GYG2: variants seen among roughly 807,000 people sequenced by gnomAD.
GYG2 encodes the protein glycogenin 2, also known as glycogenin-2.
A neutral mutation model predicts 29.4 loss-of-function variants in GYG2; 29 were observed. The ratio of observed to expected loss-of-function variants is 0.99; its 90% CI spans 0.74 to 1.35. The LOEUF (loss-of-function observed/expected upper bound fraction) is 1.35. GYG2 is among the 40% of genes most tolerant of loss of function. The pLI, the probability that GYG2 is intolerant of heterozygous loss-of-function variation, is 0.00. For synonymous variants in GYG2, 167 were observed against 172.3 expected (o/e 0.97, Z 0.24); for missense variants, 370 against 385.7 (o/e 0.96, Z 0.34).
At chrX:2,873,072 G>C (rs34875887) in intron 8 of GYG2, among the ~76,000 whole-genome samples, 18,895 of 111,330 alleles carry the variant, frequency 0.17, 1,240 homozygotes, top group South Asian at 0.37. Context: ...TCTGTCTGCA[G>C]ATTAAACTTT....
At chrX:2,829,149 G>A (rs1339865796) in intron 1 of GYG2, 174 bp downstream of exon 1, 1 of 98,983 alleles carries the variant, frequency 1.0e-5, no homozygotes, top group Non-Finnish European at 2.1e-5. Flanking sequence ...CTGGGGGAGG[G>A]GCGCCGGACT....
intron 3 of GYG2, among the ~76,000 whole-genome samples, chrX:2,848,041 A>G (rs905156469): frequency 8.9e-6 from 1 of 112,403 alleles, no homozygotes; most frequent in Middle Eastern, 4.6e-3. Context: ...AAGATGGAAG[A>G]GGACACCAGA....
At chrX:2,875,503 ACTCACATCACCTC>A (rs1057447673) in intron 8 of GYG2, among the ~76,000 whole-genome samples, 5 of 96,862 alleles carry the variant, frequency 5.2e-5, no homozygotes, top group Non-Finnish European at 1.0e-4. Context: ...CCCAGAGGTG[ACTCACATCACCTC>A]CTCACATTCA....
chrX:2,849,344 C>T (rs5982893), intron 3 of GYG2, among the ~76,000 whole-genome samples: 15,817 of 110,508 alleles, frequency 0.14, 844 homozygotes, highest in East Asian at 0.24. Flanking sequence ...ACCTTAAATA[C>T]AGAGCAGTGA....
At chrX:2,854,280 G>A (rs2087930120) in intron 4 of GYG2, 126 bp downstream of exon 4, 1 of 470,166 alleles carries the variant, frequency 2.1e-6, no homozygotes, top group Admixed American at 3.7e-5. Context: ...GGAGTGCAAT[G>A]GCACGATCTC....
chrX:2,859,591 TGATA>T (rs940740193), intron 6 of GYG2, among the ~76,000 whole-genome samples: 1 of 111,060 alleles, frequency 9.0e-6, no homozygotes, highest in Non-Finnish European at 1.9e-5. Context: ...ATGACTATGT[TGATA>T]GTAGTAATCT....
At chrX:2,865,627 G>A (rs2147239116) in intron 8 of GYG2, among the ~76,000 whole-genome samples, 1 of 111,490 alleles carries the variant, frequency 9.0e-6, no homozygotes, top group African/African-American at 3.3e-5. Context: ...CGTGATGACA[G>A]AATTGAGGAT....
In GYG2 at chrX:2,856,725, CTAT is replaced by C. The variant is rs1390935115; in HGVS notation, c.614+102_614+104del. On this transcript the variant is annotated intron_variant, in intron 6 of 10. Transcript: ENST00000398806. Reference sequence around the variant, plus strand: ...CTGTCGGCATATTTAAAAACTCTATCTATCTATCTATCATCTATCTATCTATGT... The same window carrying C: ...CTGTCGGCATATTTAAAAACTCTATCCTATCTATCATCTATCTATCTATGT... 1.3e-4 allele frequency: 71 copies of C among 550,660 alleles called. No individual in the cohort carries two copies. In the African/African-American group the frequency reaches 1.5e-3, roughly 12 times the overall value. The allele number at this position is 550,660 out of a possible 1,213,427, so 45.4% of individuals were successfully genotyped here.
intron 6 of GYG2, among the ~76,000 whole-genome samples, chrX:2,858,445 A>G (rs1172552603): frequency 8.1e-5 from 9 of 111,382 alleles, no homozygotes; most frequent in Non-Finnish European, 1.7e-4. Context: ...CAGCCTGGGT[A>G]ACAGAGCAAG....
At chrX:2,870,639 T>C (rs760559999) in intron 8 of GYG2, among the ~76,000 whole-genome samples, 2 of 112,639 alleles carry the variant, frequency 1.8e-5, no homozygotes, top group Non-Finnish European at 3.7e-5. Flanking sequence ...TGGCTATGTC[T>C]AATCTGTTGT....
In GYG2 at chrX:2,830,076, C is replaced by T. The variant is rs1483213642; in HGVS notation, c.-113C>T. 6.4e-5 allele frequency: 47 copies of T among 731,104 alleles called. No individual in the cohort carries two copies. The highest frequency in any genetic ancestry group is 9.0e-5 in the Non-Finnish European group (43 of 479,323). The allele number at this position is 731,104 out of a possible 1,213,427, so 60.3% of individuals were successfully genotyped here. ...TCGCCCCCAGGCCTGGAAATCCACGCGGATTCCCGGAGACGGCGCCTCTGC... is the reference window on the plus strand; with the variant it reads ...TCGCCCCCAGGCCTGGAAATCCACGTGGATTCCCGGAGACGGCGCCTCTGC... On this transcript the variant is annotated 5_prime_UTR_variant, in exon 2 of 11. Coordinates refer to ENST00000398806, the MANE Select transcript of GYG2 (RefSeq NM_001079855.2).
At chrX:2,860,947 C>G (rs941090583) in intron 7 of GYG2, among the ~76,000 whole-genome samples, 42 of 109,915 alleles carry the variant, frequency 3.8e-4, no homozygotes, top group Admixed American at 1.7e-3. Flanking sequence ...CCAGGCTGGT[C>G]TTGAAGCTCT....
chrX:2,866,770 C>T (rs1187295455), intron 8 of GYG2, among the ~76,000 whole-genome samples: 1 of 110,541 alleles, frequency 9.0e-6, no homozygotes, highest in Non-Finnish European at 1.9e-5. Context: ...ATTGAACCAT[C>T]CCTGTGTACC....
At chrX:2,840,992 A>G (rs1313349939) in intron 2 of GYG2, among the ~76,000 whole-genome samples, 2 of 74,140 alleles carry the variant, frequency 2.7e-5, no homozygotes, top group African/African-American at 9.0e-5. Context: ...TGATAGATAG[A>G]TGAATAGATG....
At chrX:2,864,665 G>C (rs1235517355) in intron 8 of GYG2, among the ~76,000 whole-genome samples, 4 of 111,442 alleles carry the variant, frequency 3.6e-5, no homozygotes, top group Non-Finnish European at 1.9e-5. Flanking sequence ...TTGTACATTA[G>C]TGGTTTTGCA....
At chrX:2,875,573 T>G (rs891410418) in intron 8 of GYG2, among the ~76,000 whole-genome samples, 6 of 107,925 alleles carry the variant, frequency 5.6e-5, no homozygotes, top group Non-Finnish European at 7.6e-5. Context: ...TGGGAATCAC[T>G]TCCATGGTCC....
intron 2 of GYG2, among the ~76,000 whole-genome samples, chrX:2,842,362 T>A (rs1299169410): frequency 1.2e-5 from 1 of 81,392 alleles, no homozygotes; most frequent in African/African-American, 3.8e-5. Context: ...GCCTGGCTAA[T>A]TTTTTTTTTT....
chrX:2,871,701 TAAATAAATAAATAA>T (rs2088474970), intron 8 of GYG2, among the ~76,000 whole-genome samples: 1 of 4,728 alleles, frequency 2.1e-4, no homozygotes, highest in Non-Finnish European at 1.1e-3. Context: ...AATAAATAAA[TAAATAAATAAATAA>T]ATAAATAAAT....
At chrX:2,873,244 T>G (rs1357991382) in intron 8 of GYG2, among the ~76,000 whole-genome samples, 1 of 112,416 alleles carries the variant, frequency 8.9e-6, no homozygotes, top group Non-Finnish European at 1.9e-5. Context: ...TTTGACAACT[T>G]ATAATTTTGT....
Sources: allele counts gnomAD v4.1 joint callset (sites outside exome capture counted in the v4.1 genomes callset), GRCh38; gene constraint gnomAD v4.1.1; transcripts MANE v1.5; gene names NCBI Gene and HGNC (gene_info 2026-07-23, HGNC 2026-07-21).